The following POLR1G variants were observed in gnomAD, a reference collection of about 807,000 sequenced individuals.
The protein encoded by POLR1G is RNA polymerase I subunit G.
Under a neutral mutation model 6.3 loss-of-function variants are expected in POLR1G, and 9 were observed. That is an observed-to-expected ratio of 1.44 (90% CI 0.87 to 2.51). The LOEUF (loss-of-function observed/expected upper bound fraction) is 2.51, where lower values mean the gene tolerates loss of function less well. POLR1G is among the 30% of genes most tolerant of loss of function. The pLI, the probability that POLR1G is intolerant of heterozygous loss-of-function variation, is 0.00. For missense variants in POLR1G, 617 were observed against 632.5 expected (o/e 0.98, Z 0.26); for synonymous variants, 248 against 256.5 (o/e 0.97, Z 0.32).
intron 2 of POLR1G, chr19:45,407,647 G>A (rs1340838058): frequency 7.8e-6 from 2 of 255,194 alleles, no homozygotes; most frequent in Non-Finnish European, 7.5e-6. Context: ...TAAATATTCT[G>A]TAATTATAAT....
Position 45,406,832 on chromosome 19 carries a change from C to A in POLR1G, c.22+114C>A. ...ACCTGCAAGCAGGACTTGCGAAGAG[C>A]GTGCATTCCCAGTGGGCGAACGGGA... On this transcript the variant is annotated intron_variant, in intron 1 of 2. Coordinates refer to ENST00000309424, the MANE Select transcript of POLR1G (RefSeq NM_012099.3). The surrounding 1 kb of genome is among the most constrained non-coding windows in gnomAD (Gnocchi z 4.2). The A allele has an allele frequency of 9.0e-7, 1 of 1,105,612 alleles. No homozygotes were observed. The highest frequency in any genetic ancestry group is 1.3e-6 in the Non-Finnish European group (1 of 799,958). 68.5% of individuals were successfully genotyped at this position (1,105,612 alleles called of 1,614,324 possible). A position where few individuals can be genotyped will look rare whatever the true frequency, so the allele number is the denominator to read the frequency against.
intron 2 of POLR1G, chr19:45,407,910 T>C (rs1973439371): frequency 2.2e-6 from 1 of 458,664 alleles, no homozygotes; most frequent in African/African-American, 2.0e-5. Context: ...AAAAATTGGC[T>C]GGGCGTGGTG....
rs1282954388 is a variant in POLR1G at position 45,408,696 on chromosome 19, G to A, written c.728G>A (p.Gly243Glu). 6.2e-7 allele frequency: 1 copy of A among 1,613,764 alleles called. No individual in the cohort carries two copies. The highest frequency in any genetic ancestry group is 8.5e-7 in the Non-Finnish European group (1 of 1,179,998). Residue 243 changes from glycine (G) to glutamate (E), a missense_variant, in exon 3 of 3, where the codon GGA (glycine) becomes GAA (glutamate). Physicochemically the swap from Gly to Glu is moderately conservative, Grantham distance 98. Coordinates refer to ENST00000309424, the MANE Select transcript of POLR1G (RefSeq NM_012099.3). ...EPTVETLEPL[G>E]VLFPSTTKKR... Reference sequence around the variant, plus strand: ...ACAGTGGAGACACTGGAGCCTCTGGGAGTGCTGTTCCCGTCCACCACCAAG... The same window carrying A: ...ACAGTGGAGACACTGGAGCCTCTGGAAGTGCTGTTCCCGTCCACCACCAAG...
chr19:45,407,213 C>T lies in POLR1G; in HGVS notation c.142C>T (p.Pro48Ser). 1 of 1,612,484 alleles carries T rather than the reference C, an allele frequency of 6.2e-7. No homozygotes were observed. The highest frequency in any genetic ancestry group is 8.5e-7 in the Non-Finnish European group (1 of 1,179,506). Residue 48 changes from proline to serine, a missense_variant, in exon 2 of 3, where the codon CCT (proline) becomes TCT (serine). Physicochemically the swap from Pro to Ser is moderately conservative, Grantham distance 74. Transcript: ENST00000309424. ...PDTELWLIQA[P>S]ADFAPECFNG... ...TACGGAGCTGTGGCTTATTCAGGCC[C>T]CTGCAGACTTTGCCCCAGAATGGTG...
chr19:45,409,889 A>ATTTTTTTTTTT lies in POLR1G; in HGVS notation c.*390_*391insTTTTTTTTTTT, dbSNP rs1184782156. 4.0e-4 allele frequency: 96 copies of ATTTTTTTTTTT among 237,642 alleles called. No homozygotes were observed. Among genetic ancestry groups the ATTTTTTTTTTT allele is most frequent in the African/African-American group, 9.8e-4 (23 of 23,534 alleles). 14.7% of individuals were successfully genotyped at this position (237,642 alleles called of 1,614,324 possible). ...ACAATCTTTTTAAGTTATTATTATT[A>ATTTTTTTTTTT]TTATTATTTTTTTTTTTTTTGAGAT... is the stretch of plus-strand genomic sequence containing the variant. On this transcript the variant is annotated 3_prime_UTR_variant, in exon 3 of 3. Transcript: ENST00000309424.
rs765598246 is a variant in POLR1G, at chr19:45,409,432, A to G, written c.1464A>G (p.Ser488=). ...AGATGCCAGGGCCGCCACTGAATTC[A>G]GAGTCTGGGGAGGAGGCTCCCACAG... ...QEEMPGPPLN[S]ESGEEAPTGR... is the part of the protein sequence containing the mutation. The change falls in exon 3 of 3, where the codon TCA becomes TCG. Residue 488 remains serine (S), a synonymous_variant. Coordinates refer to ENST00000309424, the MANE Select transcript of POLR1G (RefSeq NM_012099.3). 1.9e-6 allele frequency: 3 copies of G among 1,613,698 alleles called. No individual in the cohort carries two copies. In the South Asian group the frequency reaches 3.3e-5, roughly 18 times the overall value.
intron 2 of POLR1G, 149 bp downstream of exon 2, chr19:45,407,384 T>C: frequency 2.9e-6 from 2 of 694,526 alleles, no homozygotes; most frequent in Non-Finnish European, 4.7e-6. Context: ...CAGAGTAGAG[T>C]GTCCTCAGAA....
rs1409785943 is a variant in POLR1G at position 45,409,028 on chromosome 19, A to C, written c.1060A>C (p.Met354Leu). The change falls in exon 3 of 3, where the codon ATG becomes CTG. Residue 354 changes from methionine (M) to leucine (L), a missense_variant. By Grantham distance (15) the Met-to-Leu change is conservative (BLOSUM62 2). Transcript: ENST00000309424. Reference protein sequence around the residue: ...TEAMEPVEPEMKPLESPGGTM... With the variant: ...TEAMEPVEPELKPLESPGGTM... The stretch of plus-strand genomic sequence containing the variant: ...GGCGATGGAGCCAGTGGAGCCGGAG[A>C]TGAAGCCTCTGGAGTCCCCAGGGGG... 2.5e-6 allele frequency: 4 copies of C among 1,614,092 alleles called. No homozygotes were observed. The highest frequency in any genetic ancestry group is 2.2e-5 in the East Asian group (1 of 44,878).
rs1973582456 is a variant in POLR1G at position 45,409,857 on chromosome 19, T to G, written c.*356T>G. 1 of 597,342 alleles carries G rather than the reference T, an allele frequency of 1.7e-6. No individual in the cohort carries two copies. The highest frequency in any genetic ancestry group is 3.0e-6 in the Non-Finnish European group (1 of 328,364). 37.0% of individuals were successfully genotyped at this position (597,342 alleles called of 1,614,324 possible). A position where few individuals can be genotyped will look rare whatever the true frequency, so the allele number is the denominator to read the frequency against. On this transcript the variant is annotated 3_prime_UTR_variant, in exon 3 of 3. Transcript: ENST00000309424. ...CATTTATCCATTGAGTTACAAACAA[T>G]CCAGTTACAATCTTTTTAAGTTATT...
At chr19:45,407,061 T>C in intron 1 of POLR1G, 33 bp from the exon 2 acceptor site, 1 of 1,575,292 alleles carries the variant, frequency 6.3e-7, no homozygotes, top group East Asian at 2.3e-5. Context: ...GGCAAGGAGG[T>C]GTCAGTCGAC....
chr19:45,410,700 A>AT lies in POLR1G; in HGVS notation c.*1204dup, dbSNP rs1008571742. 9.2e-5 allele frequency: 14 copies of AT among 151,704 alleles called. No homozygotes were observed. The highest frequency in any genetic ancestry group is 3.4e-4 in the African/African-American group (14 of 41,272). The allele number at this position is 151,704 out of a possible 1,614,324, so 9.4% of individuals were successfully genotyped here. A position where few individuals can be genotyped will look rare whatever the true frequency, so the allele number is the denominator to read the frequency against. ...TATCTCCATGAGTTCAATTGTTTTG[A>AT]TTTTTAGATACACAAATAAATAAGA... On this transcript the variant is annotated 3_prime_UTR_variant, in exon 3 of 3. Coordinates refer to ENST00000309424, the MANE Select transcript of POLR1G (RefSeq NM_012099.3).
chr19:45,409,892 A>ATTATTATT lies in POLR1G; in HGVS notation c.*396_*397insATTTTATT, dbSNP rs1555785239. 11 of 203,776 alleles carry ATTATTATT rather than the reference A, an allele frequency of 5.4e-5. No homozygotes were observed. The highest frequency in any genetic ancestry group is 4.6e-4 in the African/African-American group (11 of 23,914). 12.6% of individuals were successfully genotyped at this position (203,776 alleles called of 1,614,324 possible). A position where few individuals can be genotyped will look rare whatever the true frequency, so the allele number is the denominator to read the frequency against. The stretch of plus-strand genomic sequence containing the variant: ...ATCTTTTTAAGTTATTATTATTATT[A>ATTATTATT]TTATTTTTTTTTTTTTTGAGATGGA... On this transcript the variant is annotated 3_prime_UTR_variant, in exon 3 of 3. Transcript: ENST00000309424.
intron 2 of POLR1G, chr19:45,407,543 C>T (rs548752904): frequency 8.7e-6 from 3 of 344,400 alleles, no homozygotes; most frequent in African/African-American, 6.4e-5. Flanking sequence ...GCAACCTAAG[C>T]TTGCTCATTT....
At position 45,409,420 on chromosome 19, in the gene POLR1G, G is replaced by C. The variant is rs199556175; in HGVS notation, c.1452G>C (p.Pro484=). The C allele has an allele frequency of 3.7e-6, 6 of 1,613,670 alleles. No homozygotes were observed. The highest frequency in any genetic ancestry group is 1.7e-5 in the Admixed American group (1 of 60,002). Residue 484 remains proline (P), a synonymous_variant, in exon 3 of 3, where the codon CCG becomes CCC. Coordinates refer to ENST00000309424, the MANE Select transcript of POLR1G (RefSeq NM_012099.3). ...TGCCCCAAGAGGAGATGCCAGGGCC[G>C]CCACTGAATTCAGAGTCTGGGGAGG... ...ETVPQEEMPG[P]PLNSESGEEA...
Position 45,408,920 on chromosome 19 carries a change from C to G in POLR1G, c.952C>G (p.Leu318Val). ...TCAGCCACAGGTGAAGGTGGAGCCA[C>G]TGGAGGAAGCCATCCCTCTGCCCCC... ...ESQPQVKVEP[L>V]EEAIPLPPTK... The change falls in exon 3 of 3, where the codon CTG (leucine) becomes GTG (valine). Residue 318 changes from leucine (L) to valine (V), a missense_variant. Coordinates refer to ENST00000309424, the MANE Select transcript of POLR1G (RefSeq NM_012099.3). 6.2e-7 allele frequency: 1 copy of G among 1,614,062 alleles called. No individual in the cohort carries two copies.
chr19:45,408,321 T>C lies in POLR1G; in HGVS notation c.353T>C (p.Leu118Pro). The change falls in exon 3 of 3, where the codon CTT (leucine) becomes CCT (proline). Residue 118 changes from leucine (L) to proline (P), a missense_variant. Coordinates refer to ENST00000309424, the MANE Select transcript of POLR1G (RefSeq NM_012099.3). Reference sequence around the variant, plus strand: ...GCCCCCCAGGGCACCCTAAGGATCCTTGAGGGTCCCCAGCAATCCCTGTCA... The same window carrying C: ...GCCCCCCAGGGCACCCTAAGGATCCCTGAGGGTCCCCAGCAATCCCTGTCA... Reference protein sequence around the residue: ...ASAPQGTLRILEGPQQSLSGS... With the variant: ...ASAPQGTLRIPEGPQQSLSGS... 2 of 1,610,368 alleles carry C rather than the reference T, an allele frequency of 1.2e-6. No individual in the cohort carries two copies. The highest frequency in any genetic ancestry group is 8.5e-7 in the Non-Finnish European group (1 of 1,177,488).
rs200386912 is a variant in POLR1G at position 45,409,892 on chromosome 19, A to ATTTTTTTTTTT, written c.*393_*394insTTTTTTTTTTT. The ATTTTTTTTTTT allele has an allele frequency of 2.4e-3, 499 of 206,340 alleles. 8 individuals carry two copies. Among genetic ancestry groups the ATTTTTTTTTTT allele is most frequent in the South Asian group, 3.0e-3 (15 of 4,964 alleles). The allele number at this position is 206,340 out of a possible 1,614,324, so 12.8% of individuals were successfully genotyped here. A position where few individuals can be genotyped will look rare whatever the true frequency, so the allele number is the denominator to read the frequency against. On this transcript the variant is annotated 3_prime_UTR_variant, in exon 3 of 3. Transcript: ENST00000309424. ...ATCTTTTTAAGTTATTATTATTATTATTATTTTTTTTTTTTTTGAGATGGA... is the reference window on the plus strand; with the variant it reads ...ATCTTTTTAAGTTATTATTATTATTATTTTTTTTTTTTTATTTTTTTTTTTTTTGAGATGGA...
In POLR1G at chr19:45,409,654, T is replaced by C. The variant is rs1301642339; in HGVS notation, c.*153T>C. On this transcript the variant is annotated 3_prime_UTR_variant, in exon 3 of 3. Coordinates refer to ENST00000309424, the MANE Select transcript of POLR1G (RefSeq NM_012099.3). ...GGACGATTTATTATTACACTGGGGG[T>C]TTCCTTGGCAGCTGGGGTCATCAGG... 7.2e-7 allele frequency: 1 copy of C among 1,395,888 alleles called. No individual in the cohort carries two copies. Among genetic ancestry groups the C allele is most frequent in the Admixed American group, 1.7e-5 (1 of 59,098 alleles). 86.5% of individuals were successfully genotyped at this position (1,395,888 alleles called of 1,614,324 possible).
chr19:45,408,740 G>C lies in POLR1G; in HGVS notation c.772G>C (p.Gly258Arg), dbSNP rs775794365. 6.2e-7 allele frequency: 1 copy of C among 1,613,946 alleles called. No homozygotes were observed. Among genetic ancestry groups the C allele is most frequent in the Non-Finnish European group, 8.5e-7 (1 of 1,179,990 alleles). The change falls in exon 3 of 3, where the codon GGG becomes CGG. Residue 258 changes from glycine (G) to arginine (R), a missense_variant. Physicochemically the swap from Gly to Arg is moderately radical, Grantham distance 125. Coordinates refer to ENST00000309424, the MANE Select transcript of POLR1G (RefSeq NM_012099.3). ...CACCAAGAAGAGGAAGAAGCCCAAA[G>C]GGAAAGAAACCTTCGAGCCAGAAGA... ...STTKKRKKPK[G>R]KETFEPEDKT...
Sources: gnomAD v4.1 joint callset for allele counts on GRCh38, gnomAD v4.1.1 for gene constraint, Gnocchi (gnomAD v3.1) non-coding constraint, MANE v1.5 for transcripts, NCBI Gene and HGNC (gene_info 2026-07-23, HGNC 2026-07-21) for gene names.